Variants in NRXN1 observed in about 807,000 individuals in gnomAD.
The protein encoded by NRXN1 is neurexin 1.
NRXN1 carries 39 observed loss-of-function variants against 150.9 expected under a neutral mutation model. That is an observed-to-expected ratio of 0.26 (90% CI 0.20 to 0.34). The LOEUF (loss-of-function observed/expected upper bound fraction) is 0.34, where lower values mean the gene tolerates loss of function less well. Among genes scored for constraint, NRXN1 ranks in the 10% least tolerant of loss-of-function variants. The pLI is 1.00. For missense variants in NRXN1, 1,815 were observed against 1,949.9 expected (o/e 0.93, Z 1.30); for synonymous variants, 924 against 757.0 (o/e 1.22, Z -3.62).
chr2:50,614,324 T>G (rs1442253127), intron 8 of NRXN1, among the ~76,000 whole-genome samples: 4 of 152,134 alleles, frequency 2.6e-5, no homozygotes, highest in Non-Finnish European at 4.4e-5. Context: ...ACTGAAGATC[T>G]CTTTTTCCTC....
intron 18 of NRXN1, among the ~76,000 whole-genome samples, chr2:50,134,602 G>A (rs1706094764): frequency 6.6e-6 from 1 of 152,134 alleles, no homozygotes; most frequent in South Asian, 2.1e-4. Flanking sequence ...AGCAGATTTA[G>A]GCAGATTCCC....
At chr2:50,538,717 G>A (rs1238562182) in intron 9 of NRXN1, 81 bp from the exon 10 acceptor site, 2 of 1,167,014 alleles carry the variant, frequency 1.7e-6, no homozygotes, top group Non-Finnish European at 1.1e-6. Context: ...TCGTCTGCTT[G>A]ATGGTTAACT....
intron 18 of NRXN1, among the ~76,000 whole-genome samples, chr2:50,217,323 G>C (rs1205210319): frequency 6.6e-6 from 1 of 151,914 alleles, no homozygotes; most frequent in African/African-American, 2.4e-5. Flanking sequence ...CTTTGAACAG[G>C]ATGTTCAACA....
At chr2:50,038,328 T>C (rs1195513366) in intron 21 of NRXN1, among the ~76,000 whole-genome samples, 1 of 152,178 alleles carries the variant, frequency 6.6e-6, no homozygotes, top group Non-Finnish European at 1.5e-5. Context: ...ACTTCCAAGA[T>C]TAGGTTATAA....
In NRXN1 at chr2:50,501,722, T is replaced by A. The variant is rs906266276; in HGVS notation, c.2498-4008A>T. Among the ~76,000 whole-genome samples, 4 of 152,140 alleles carry A rather than the reference T, an allele frequency of 2.6e-5. No individual in the cohort carries two copies. The East Asian group carries it at 7.7e-4, about 29-fold the overall frequency. Reference sequence around the variant, plus strand: ...GCCCAGTGACTTCCCACTTAGGGATTCCACAAAATTTGTACAACCCCTTGT... The same window carrying A: ...GCCCAGTGACTTCCCACTTAGGGATACCACAAAATTTGTACAACCCCTTGT... On this transcript the variant is annotated intron_variant, in intron 13 of 22. Transcript: ENST00000401669.
At chr2:50,867,012 T>A (rs574445056) in intron 5 of NRXN1, among the ~76,000 whole-genome samples, 1 of 152,004 alleles carries the variant, frequency 6.6e-6, no homozygotes, top group Admixed American at 6.6e-5. Context: ...TGAAATAAAC[T>A]ACCTTCTCAA....
intron 18 of NRXN1, among the ~76,000 whole-genome samples, chr2:50,156,195 A>G (rs2059009953): frequency 6.6e-6 from 1 of 151,896 alleles, no homozygotes; most frequent in South Asian, 2.1e-4. Flanking sequence ...AAAAATTAAC[A>G]GTCATATAAT....
intron 5 of NRXN1, among the ~76,000 whole-genome samples, chr2:50,865,284 T>C (rs549412694): frequency 9.2e-5 from 14 of 152,086 alleles, no homozygotes; most frequent in African/African-American, 3.4e-4. Context: ...TCCCTTGCTA[T>C]CCTGTAATTT....
chr2:50,586,629 A>T (rs755438898), intron 8 of NRXN1, among the ~76,000 whole-genome samples: 17 of 152,182 alleles, frequency 1.1e-4, no homozygotes, highest in Non-Finnish European at 2.4e-4. Flanking sequence ...AAGAAAAATT[A>T]GTGGCTTCAC....
At chr2:50,934,540 T>C (rs1046090691) in intron 2 of NRXN1, among the ~76,000 whole-genome samples, 1 of 152,194 alleles carries the variant, frequency 6.6e-6, no homozygotes, top group Non-Finnish European at 1.5e-5. Flanking sequence ...ACATGCTCAA[T>C]AGCCACATGT....
chr2:50,829,732 C>T (rs775072208), intron 5 of NRXN1: 21 of 1,588,170 alleles, frequency 1.3e-5, no homozygotes, highest in South Asian at 5.7e-5. Context: ...CGGTTGGCAG[C>T]GCCCAAGGTT....
At chr2:50,506,762 G>T (rs1019961803) in intron 12 of NRXN1, 145 bp from the exon 13 acceptor site, 1 of 796,508 alleles carries the variant, frequency 1.3e-6, no homozygotes, top group Non-Finnish European at 1.9e-6. Context: ...AGAGAGGAGG[G>T]AGAGAAAGGA....
intron 9 of NRXN1, among the ~76,000 whole-genome samples, chr2:50,552,014 G>T (rs1667612016): frequency 6.6e-6 from 1 of 152,162 alleles, no homozygotes; most frequent in African/African-American, 2.4e-5. Context: ...ACAGGAAGCA[G>T]AATGTTTGCT....
chr2:50,319,495 C>T (rs993662271), intron 17 of NRXN1, among the ~76,000 whole-genome samples: 15 of 152,050 alleles, frequency 9.9e-5, no homozygotes, highest in African/African-American at 3.4e-4. Flanking sequence ...TTGTTTTCAT[C>T]GAAAAGGAAG....
chr2:50,327,236 C>T (rs2076444530), intron 17 of NRXN1, among the ~76,000 whole-genome samples: 1 of 152,126 alleles, frequency 6.6e-6, no homozygotes, highest in African/African-American at 2.4e-5. Context: ...ATGATACATA[C>T]AACATGGATA....
rs372550441 is a variant in NRXN1 at position 50,621,205 on chromosome 2, C to T, written c.1158+21G>A. ...AAGAAACAATTAGAATGATATCTAC[C>T]GAACAATGTAGTTTGTTTACCATAG... On this transcript the variant is annotated intron_variant, in intron 7 of 22. Transcript: ENST00000401669. The T allele has an allele frequency of 1.2e-5, 19 of 1,559,458 alleles. No homozygotes were observed. Among genetic ancestry groups the T allele is most frequent in the South Asian group, 9.5e-5 (8 of 84,200 alleles).
At chr2:50,572,218 C>G (rs192051277) in intron 8 of NRXN1, among the ~76,000 whole-genome samples, 1 of 152,218 alleles carries the variant, frequency 6.6e-6, no homozygotes, top group African/African-American at 2.4e-5. Flanking sequence ...CATGCACATA[C>G]TGTGCCCAAA....
intron 2 of NRXN1, among the ~76,000 whole-genome samples, chr2:51,014,834 G>C (rs1451243431): frequency 6.6e-6 from 1 of 151,994 alleles, no homozygotes; most frequent in African/African-American, 2.4e-5. Context: ...AGCACAAAGA[G>C]CTGAAAATAG....
At chr2:50,385,978 T>C (rs911448013) in intron 17 of NRXN1, among the ~76,000 whole-genome samples, 5 of 152,056 alleles carry the variant, frequency 3.3e-5, no homozygotes, top group African/African-American at 7.2e-5. Context: ...TAGTGATATA[T>C]TTTATCACTA....
Sources: allele counts gnomAD v4.1 joint callset (sites outside exome capture counted in the v4.1 genomes callset), GRCh38; gene constraint gnomAD v4.1.1; transcripts MANE v1.5; gene names NCBI Gene and HGNC (gene_info 2026-07-23, HGNC 2026-07-21).